PIK3C3: variants seen among roughly 807,000 people sequenced by gnomAD.
PIK3C3 encodes phosphatidylinositol 3-kinase catalytic subunit type 3.
A neutral mutation model predicts 126.1 loss-of-function variants in PIK3C3; 95 were observed. The ratio of observed to expected loss-of-function variants is 0.75; its 90% CI spans 0.64 to 0.89. PIK3C3 has a LOEUF of 0.89. PIK3C3 is among the 40% of genes least tolerant of loss of function. The pLI is 0.00. For synonymous variants in PIK3C3, 374 were observed against 360.0 expected, an observed-to-expected ratio of 1.04 and a Z score of -0.44; for missense variants, 829 against 1,063.2, an observed-to-expected ratio of 0.78 and a Z score of 3.06.
intron 1 of PIK3C3, among the ~76,000 whole-genome samples, chr18:41,956,399 C>G (rs1157127989): frequency 3.3e-5 from 5 of 152,016 alleles, no homozygotes; most frequent in Non-Finnish European, 7.4e-5. Context: ...AGGTATTTTC[C>G]ATAGCATACA....
rs564759393 is a variant in PIK3C3 at position 42,075,233 on chromosome 18, A to G, written c.2650-5890A>G. ...TAGGAATGAAGAATAGCAGTGTAAA[A>G]TATTTCAGTGAACAAAACAAAAAGT... On this transcript the variant is annotated intron_variant, in intron 24 of 24. Coordinates refer to ENST00000262039, the MANE Select transcript of PIK3C3 (RefSeq NM_002647.4). 3.7e-4 allele frequency among the ~76,000 whole-genome samples: 56 copies of G among 152,302 alleles called. 3 individuals carry two copies. In the South Asian group the frequency reaches 9.3e-3, roughly 25 times the overall value.
intron 16 of PIK3C3, among the ~76,000 whole-genome samples, chr18:42,035,963 G>C (rs991541098): frequency 6.6e-6 from 1 of 152,028 alleles, no homozygotes; most frequent in Non-Finnish European, 1.5e-5. Flanking sequence ...TTGTTTTCTT[G>C]CTTTAAATTT....
chr18:42,026,913 A>C (rs1354265402), intron 13 of PIK3C3: 1 of 152,242 alleles, frequency 6.6e-6, no homozygotes, highest in African/African-American at 2.4e-5. Flanking sequence ...TTAATTGGAA[A>C]GTTAAAGATT....
chr18:42,013,520 C>G lies in PIK3C3; in HGVS notation c.1249C>G (p.Pro417Ala). 6.3e-7 allele frequency: 1 copy of G among 1,596,626 alleles called. No individual in the cohort carries two copies. ...TGATGATATAAAGAATGGATTGGAA[C>G]CTACCAAGAAGGATAGTCAGAGTTC... is the stretch of plus-strand genomic sequence containing the variant. ...NFDDIKNGLEPTKKDSQSSVS... is the reference protein window; with the variant it reads ...NFDDIKNGLEATKKDSQSSVS... The change falls in exon 11 of 25, where the codon CCT becomes GCT. Residue 417 changes from proline (P) to alanine (A), a missense_variant. This residue lies in a region of PIK3C3 where 256 missense variants were observed against 291.0 expected (regional missense o/e 0.88). Transcript: ENST00000262039.
intron 24 of PIK3C3, among the ~76,000 whole-genome samples, chr18:42,071,003 A>G (rs927787569): frequency 8.5e-5 from 13 of 152,344 alleles, no homozygotes; most frequent in Non-Finnish European, 1.8e-4. Flanking sequence ...CTAGTTCTTC[A>G]TTACAATAGT....
rs71174077 is a variant in PIK3C3 at position 42,076,089 on chromosome 18, CATATATATAT to C, written c.2650-5011_2650-5002del. On this transcript the variant is annotated intron_variant, in intron 24 of 24. Coordinates refer to ENST00000262039, the MANE Select transcript of PIK3C3 (RefSeq NM_002647.4). ...CATCAGCACTGGCTGCTTTACCTTGCATATATATATATATATATATATATATATATATGCG... is the reference window on the plus strand; with the variant it reads ...CATCAGCACTGGCTGCTTTACCTTGCATATATATATATATATATATATGCG... Among the ~76,000 whole-genome samples, 180 of 54,582 alleles carry C rather than the reference CATATATATAT, an allele frequency of 3.3e-3. 1 individual carries two copies. The highest frequency in any genetic ancestry group is 4.2e-3 in the Non-Finnish European group (128 of 30,152). The allele number at this position is 54,582 out of a possible 152,430, so 35.8% of individuals were successfully genotyped here.
chr18:41,966,309 A>G (rs1046153843), intron 3 of PIK3C3, among the ~76,000 whole-genome samples: 1 of 149,818 alleles, frequency 6.7e-6, no homozygotes, highest in African/African-American at 2.5e-5. Flanking sequence ...AGCCGGGATT[A>G]CAGGCCCATG....
chr18:42,043,689 T>C, intron 19 of PIK3C3, 44 bp from the exon 20 acceptor site: 2 of 1,287,712 alleles, frequency 1.6e-6, no homozygotes, highest in South Asian at 2.4e-5. Context: ...CCTAGTTTGT[T>C]TGTTTGTACT....
At chr18:42,057,303 T>C (rs984479560) in intron 21 of PIK3C3, among the ~76,000 whole-genome samples, 1 of 152,060 alleles carries the variant, frequency 6.6e-6, no homozygotes, top group Non-Finnish European at 1.5e-5. Flanking sequence ...TGAAAACAGA[T>C]TTATAAGTCA....
At chr18:42,057,601 G>A (rs1985128962) in intron 21 of PIK3C3, 1 of 290,718 alleles carries the variant, frequency 3.4e-6, no homozygotes, top group Admixed American at 5.7e-5. Context: ...GACCGTCTTT[G>A]ATTCTGAAGA....
Position 41,980,738 on chromosome 18 carries a change from A to C in PIK3C3, c.532-7074A>C, listed in dbSNP as rs146028744. On this transcript the variant is annotated intron_variant, in intron 4 of 24. Coordinates refer to ENST00000262039, the MANE Select transcript of PIK3C3 (RefSeq NM_002647.4). ...TAAAAATAATCTCATTTTCTCAAAA[A>C]CAGTAAGAACACCCTTATTTATTTA... Among the ~76,000 whole-genome samples, 488 of 152,250 alleles carry C rather than the reference A, an allele frequency of 3.2e-3. 1 individual carries two copies. Among genetic ancestry groups the C allele is most frequent in the African/African-American group, 0.011 (461 of 41,566 alleles).
In PIK3C3 at chr18:42,086,932, T is replaced by A. The variant is rs1986412270; in HGVS notation, c.*5795T>A. On this transcript the variant is annotated 3_prime_UTR_variant, in exon 25 of 25. Transcript: ENST00000262039. Reference sequence around the variant, plus strand: ...TCTTCTGCAGGAGATCCAAGAACCCTCTCTTGGAGTCTTAACCAGGATCCC... The same window carrying A: ...TCTTCTGCAGGAGATCCAAGAACCCACTCTTGGAGTCTTAACCAGGATCCC... 1 of 152,158 alleles carries A rather than the reference T, an allele frequency of 6.6e-6. No individual in the cohort carries two copies. The highest frequency in any genetic ancestry group is 2.1e-4 in the South Asian group (1 of 4,830). 9.4% of individuals were successfully genotyped at this position (152,158 alleles called of 1,614,324 possible). A position where few individuals can be genotyped will look rare whatever the true frequency, so the allele number is the denominator to read the frequency against.
Position 42,043,738 on chromosome 18 carries a change from T to C in PIK3C3, c.2109T>C (p.Phe703=). 1.2e-6 allele frequency: 2 copies of C among 1,608,460 alleles called. No individual in the cohort carries two copies. Among genetic ancestry groups the C allele is most frequent in the Non-Finnish European group, 1.7e-6 (2 of 1,175,238 alleles). ...VLDTEGSIQN[F]FRKYAPSENG... is the part of the protein sequence containing the mutation. ...TGTAAATAATGTCTTTTCAGAACTT[T>C]TTTAGAAAATATGCACCAAGTGAGA... Residue 703 remains phenylalanine (F), a synonymous_variant, in exon 20 of 25, where the codon TTT becomes TTC. Transcript: ENST00000262039.
chr18:42,021,728 C>T lies in PIK3C3; in HGVS notation c.1484+1023C>T, dbSNP rs187113141. On this transcript the variant is annotated intron_variant, in intron 13 of 24. Transcript: ENST00000262039. Reference sequence around the variant, plus strand: ...CACTACAGGTTGAGCATACCAAATCCAAAAATTTGAAATCTGAAATGCTCC... The same window carrying T: ...CACTACAGGTTGAGCATACCAAATCTAAAAATTTGAAATCTGAAATGCTCC... 3.0e-3 allele frequency among the ~76,000 whole-genome samples: 450 copies of T among 152,176 alleles called. 4 individuals carry two copies. The highest frequency in any genetic ancestry group is 0.018 in the South Asian group (86 of 4,820).
intron 15 of PIK3C3, among the ~76,000 whole-genome samples, chr18:42,032,833 A>AT (rs1178360776): frequency 1.3e-5 from 2 of 152,056 alleles, no homozygotes; most frequent in East Asian, 1.9e-4. Context: ...TTTTCAGTTG[A>AT]TTTTAACTTG....
intron 4 of PIK3C3, among the ~76,000 whole-genome samples, chr18:41,982,025 C>T (rs1027769867): frequency 4.6e-5 from 7 of 151,530 alleles, no homozygotes; most frequent in South Asian, 2.1e-4. Flanking sequence ...TGATTTGAGA[C>T]GCTTATTGTC....
chr18:41,957,473 C>T (rs1055398699), intron 1 of PIK3C3, 97 bp from the exon 2 acceptor site: 2 of 1,191,512 alleles, frequency 1.7e-6, no homozygotes, highest in African/African-American at 1.6e-5. Context: ...CATATATGTA[C>T]ATGCTTAAAG....
At chr18:42,064,661 T>C (rs1203123441) in intron 22 of PIK3C3, 79 bp from the exon 23 acceptor site, 4 of 713,170 alleles carry the variant, frequency 5.6e-6, no homozygotes, top group Non-Finnish European at 1.0e-5. Flanking sequence ...GTACCACTAC[T>C]TCTAAAGTAT....
At chr18:42,050,749 T>C (rs1382220631) in intron 21 of PIK3C3, 2 of 152,252 alleles carry the variant, frequency 1.3e-5, no homozygotes, top group African/African-American at 4.8e-5. Flanking sequence ...CCTAAACAAT[T>C]TGAATGAAAC....
Sources: gnomAD v4.1 joint callset for allele counts (sites outside exome capture counted in the v4.1 genomes callset) on GRCh38, gnomAD v4.1.1 for gene constraint, gnomAD v4.1.1 regional missense constraint, MANE v1.5 for transcripts, NCBI Gene and HGNC (gene_info 2026-07-23, HGNC 2026-07-21) for gene names.